The following FAM13A variants were observed in gnomAD, a reference collection of about 807,000 sequenced individuals.
FAM13A encodes family with sequence similarity 13 member A.
Under a neutral mutation model 129.6 loss-of-function variants are expected in FAM13A, and 76 were observed. The ratio of observed to expected loss-of-function variants is 0.59; its 90% confidence interval spans 0.49 to 0.71. FAM13A has a LOEUF of 0.71. Ranked by LOEUF, FAM13A falls within the 30% of genes least tolerant of loss-of-function variation. FAM13A has a pLI of 0.00. For synonymous variants in FAM13A, 443 were observed against 449.9 expected (o/e 0.98, Z 0.20); for missense variants, 1,108 against 1,249.3 (o/e 0.89, Z 1.70).
Position 88,776,101 on chromosome 4 carries a change from A to G in FAM13A, c.1458+5064T>C, listed in dbSNP as rs372685195. On this transcript the variant is annotated intron_variant, in intron 11 of 23. Coordinates refer to ENST00000264344, the MANE Select transcript of FAM13A (RefSeq NM_014883.4). ...ATAGACTTTGTTTTTATTTTTATATATTAAATGTAATATTATAGAATTCAT... is the reference window on the plus strand; with the variant it reads ...ATAGACTTTGTTTTTATTTTTATATGTTAAATGTAATATTATAGAATTCAT... Among the ~76,000 whole-genome samples the G allele has an allele frequency of 2.1e-4, 32 of 152,334 alleles. No individual in the cohort carries two copies. The East Asian group carries it at 5.2e-3, about 25-fold the overall frequency.
chr4:88,802,353 C>T (rs1311713168), intron 8 of FAM13A, among the ~76,000 whole-genome samples: 3 of 152,128 alleles, frequency 2.0e-5, no homozygotes, highest in Non-Finnish European at 1.5e-5. Context: ...GGAATGGTGG[C>T]AGGTGTAGAT....
At chr4:88,773,707 G>C (rs569717017) in intron 11 of FAM13A, among the ~76,000 whole-genome samples, 8 of 152,160 alleles carry the variant, frequency 5.3e-5, no homozygotes, top group African/African-American at 1.9e-4. Context: ...AAAACCAACT[G>C]TGCACCAAAG....
intron 10 of FAM13A, among the ~76,000 whole-genome samples, chr4:88,783,727 G>A (rs1486364701): frequency 6.6e-6 from 1 of 152,094 alleles, no homozygotes; most frequent in Non-Finnish European, 1.5e-5. Flanking sequence ...GGTAAATAAG[G>A]TTAAAAGAGT....
intron 19 of FAM13A, among the ~76,000 whole-genome samples, chr4:88,745,905 C>A (rs1741227590): frequency 6.6e-6 from 1 of 151,238 alleles, no homozygotes; most frequent in Non-Finnish European, 1.5e-5. Flanking sequence ...AAAATGCCAC[C>A]AAGGAGACAT....
chr4:88,807,222 A>T (rs990855378), intron 7 of FAM13A, among the ~76,000 whole-genome samples: 1 of 152,216 alleles, frequency 6.6e-6, no homozygotes, highest in African/African-American at 2.4e-5. Flanking sequence ...TAAATGGTTC[A>T]GGGCTCTGAA....
At chr4:88,779,384 G>A (rs1040102515) in intron 11 of FAM13A, among the ~76,000 whole-genome samples, 2 of 152,170 alleles carry the variant, frequency 1.3e-5, no homozygotes, top group African/African-American at 2.4e-5. Context: ...GTAACATTCA[G>A]GATGTCGTCT....
intron 1 of FAM13A, among the ~76,000 whole-genome samples, chr4:89,055,344 A>G (rs1184629197): frequency 1.3e-5 from 2 of 152,198 alleles, no homozygotes; most frequent in Non-Finnish European, 2.9e-5. Context: ...GCCAACCTTA[A>G]GGAGAAGGGT....
chr4:88,845,484 T>C (rs1018928187), intron 7 of FAM13A, among the ~76,000 whole-genome samples: 1 of 152,124 alleles, frequency 6.6e-6, no homozygotes, highest in Admixed American at 6.5e-5. Flanking sequence ...TTGAGGACGC[T>C]GCATTTTGGA....
chr4:88,754,186 A>T (rs997360181), intron 14 of FAM13A, among the ~76,000 whole-genome samples: 1 of 152,190 alleles, frequency 6.6e-6, no homozygotes, highest in Non-Finnish European at 1.5e-5. Flanking sequence ...ATGCCTCTCT[A>T]TTAAAAATTA....
chr4:88,825,611 A>C (rs1035398281), intron 7 of FAM13A, among the ~76,000 whole-genome samples: 6 of 152,190 alleles, frequency 3.9e-5, no homozygotes, highest in African/African-American at 1.2e-4. Flanking sequence ...TTATGAACAC[A>C]TTAATACTAC....
At position 89,057,004 on chromosome 4, in the gene FAM13A, C is replaced by T; in HGVS notation, c.-40G>A. 3 of 1,610,192 alleles carry T rather than the reference C, an allele frequency of 1.9e-6. No individual in the cohort carries two copies. Among genetic ancestry groups the T allele is most frequent in the South Asian group, 2.2e-5 (2 of 90,516 alleles). ...TCTGGAAGAACTGAGGAAGACCAGA[C>T]GAAAATATTAAAACGACAGCAAAAT... On this transcript the variant is annotated 5_prime_UTR_variant, in exon 1 of 24. Coordinates refer to ENST00000264344, the MANE Select transcript of FAM13A (RefSeq NM_014883.4).
intron 6 of FAM13A, among the ~76,000 whole-genome samples, chr4:88,893,849 A>T (rs1745844611): frequency 6.7e-6 from 1 of 150,030 alleles, no homozygotes; most frequent in Admixed American, 6.7e-5. Context: ...AAAAAGAAAC[A>T]GTTCAAGAGT....
intron 4 of FAM13A, among the ~76,000 whole-genome samples, chr4:88,982,393 T>C (rs1761757005): frequency 6.6e-6 from 1 of 152,246 alleles, no homozygotes; most frequent in South Asian, 2.1e-4. Flanking sequence ...ATGTATTTAA[T>C]TAAATGCACA....
chr4:88,989,899 T>C (rs1449454997), intron 4 of FAM13A: 3 of 152,204 alleles, frequency 2.0e-5, no homozygotes, highest in African/African-American at 7.2e-5. Flanking sequence ...ACTTACACCT[T>C]TCTCACATGT....
intron 1 of FAM13A, among the ~76,000 whole-genome samples, chr4:89,038,579 T>C (rs1434977389): frequency 6.6e-6 from 1 of 152,146 alleles, no homozygotes; most frequent in African/African-American, 2.4e-5. Context: ...CCACTGTAAA[T>C]AATAACATAT....
At chr4:88,750,341 A>T in intron 15 of FAM13A, 83 bp downstream of exon 15, 5 of 1,168,096 alleles carry the variant, frequency 4.3e-6, no homozygotes, top group Non-Finnish European at 1.3e-6. Context: ...AATTAAAAAA[A>T]ATTATTCACT....
At chr4:88,912,978 AAAG>A (rs990411017) in intron 5 of FAM13A, among the ~76,000 whole-genome samples, 8 of 151,604 alleles carry the variant, frequency 5.3e-5, no homozygotes, top group Non-Finnish European at 1.0e-4. Flanking sequence ...AAGACAGAAG[AAAG>A]AAGAAAGAAG....
chr4:88,781,720 G>A (rs997101977), intron 10 of FAM13A, among the ~76,000 whole-genome samples: 3 of 151,818 alleles, frequency 2.0e-5, no homozygotes, highest in Admixed American at 6.6e-5. Context: ...AATTCATACA[G>A]TGTATGGAGA....
intron 4 of FAM13A, among the ~76,000 whole-genome samples, chr4:88,971,080 C>T (rs1350589360): frequency 1.3e-5 from 2 of 152,004 alleles, no homozygotes; most frequent in South Asian, 2.1e-4. Flanking sequence ...TGGTGGCGGG[C>T]GCCTGTAGGC....
Sources: gnomAD v4.1 joint callset for allele counts (sites outside exome capture counted in the v4.1 genomes callset) on GRCh38, gnomAD v4.1.1 for gene constraint, MANE v1.5 for transcripts, NCBI Gene and HGNC (gene_info 2026-07-23, HGNC 2026-07-21) for gene names.